Variants in C4orf51 observed in about 807,000 individuals in gnomAD.
C4orf51 encodes the protein uncharacterized protein C4orf51.
C4orf51 carries 25 observed loss-of-function variants against 25.2 expected under a neutral mutation model. The observed-to-expected ratio is 0.99, with a 90% confidence interval of 0.72 to 1.39. C4orf51 has a LOEUF of 1.39. Ranked by LOEUF, C4orf51 falls within the 40% of genes most tolerant of loss-of-function variation. The probability of loss-of-function intolerance (pLI) is 0.00; values close to 1 mark genes in which losing one functional copy is unlikely to be tolerated. For synonymous variants in C4orf51, 100 were observed against 84.5 expected, an observed-to-expected ratio of 1.18 and a Z score of -1.01; for missense variants, 252 against 239.6, an observed-to-expected ratio of 1.05 and a Z score of -0.34.
At chr4:145,717,884 G>T (rs2126740686) in intron 2 of C4orf51, among the ~76,000 whole-genome samples, 1 of 152,236 alleles carries the variant, frequency 6.6e-6, no homozygotes, top group East Asian at 1.9e-4. Context: ...CAAAGCAATG[G>T]CTAATACAAA....
rs57155123 is a variant in C4orf51 at position 145,753,002 on chromosome 4, C to T, written n.168-1205C>T. 5.1e-3 allele frequency among the ~76,000 whole-genome samples: 780 copies of T among 152,202 alleles called. 8 individuals are homozygous for T. The highest frequency in any genetic ancestry group is 0.017 in the African/African-American group (720 of 41,502). On this transcript the variant is annotated intron_variant and non_coding_transcript_variant, in intron 1 of 1. Coordinates refer to the C4orf51 transcript ENST00000508981. ...ACACAGATCCTGCGTGCCACGTGGC[C>T]GCTGCTGGGGGCTGGGGAGGGATGG...
At chr4:145,699,283 C>T (rs771209439) in intron 2 of C4orf51, among the ~76,000 whole-genome samples, 4 of 100,718 alleles carry the variant, frequency 4.0e-5, no homozygotes, top group Admixed American at 2.4e-4. Flanking sequence ...AATTTGGTGC[C>T]GTGACTTGGA....
the C4orf51 span, among the ~76,000 whole-genome samples, chr4:145,788,073 T>G: frequency 6.6e-6 from 1 of 152,218 alleles, no homozygotes; most frequent in African/African-American, 2.4e-5. Context: ...ACCCACAGTC[T>G]GCCTGCTCCT....
At chr4:145,729,515 A>C (rs1048139843) in intron 4 of C4orf51, among the ~76,000 whole-genome samples, 9 of 151,824 alleles carry the variant, frequency 5.9e-5, no homozygotes, top group Admixed American at 3.3e-4. Context: ...GTTAGCCAGG[A>C]TGGTCTCGAT....
At chr4:145,700,501 G>A (rs1285075227) in intron 2 of C4orf51, among the ~76,000 whole-genome samples, 1 of 152,042 alleles carries the variant, frequency 6.6e-6, no homozygotes, top group African/African-American at 2.4e-5. Flanking sequence ...CTGCAATGCC[G>A]TTTGACCCCA....
In C4orf51 at chr4:145,724,579, T is replaced by C. The variant is rs373614509; in HGVS notation, c.308-2332T>C. Among the ~76,000 whole-genome samples the C allele has an allele frequency of 7.9e-5, 12 of 152,298 alleles. No homozygotes were observed. In the East Asian group the frequency reaches 1.9e-3, roughly 25 times the overall value. On this transcript the variant is annotated intron_variant, in intron 2 of 5. Coordinates refer to ENST00000438731, the MANE Select transcript of C4orf51 (RefSeq NM_001080531.3). Reference sequence around the variant, plus strand: ...TGAAATCACACAAGATAACTCAGTATAATTCGTCATTAAAAAATCAATCTG... The same window carrying C: ...TGAAATCACACAAGATAACTCAGTACAATTCGTCATTAAAAAATCAATCTG...
intron 1 of C4orf51, among the ~76,000 whole-genome samples, chr4:145,766,117 G>A (rs1486179405): frequency 6.6e-6 from 1 of 152,034 alleles, no homozygotes; most frequent in Admixed American, 6.6e-5. Context: ...CCCATTTTAC[G>A]ATGAGGGAAT....
downstream of C4orf51, among the ~76,000 whole-genome samples, chr4:145,756,600 G>A (rs1056894071): frequency 6.6e-5 from 10 of 152,134 alleles, no homozygotes; most frequent in Admixed American, 2.6e-4. Flanking sequence ...TAAGGTAGCT[G>A]TGGAGTTTAA....
At chr4:145,725,946 A>C (rs1019789696) in intron 2 of C4orf51, among the ~76,000 whole-genome samples, 2 of 152,244 alleles carry the variant, frequency 1.3e-5, no homozygotes, top group African/African-American at 4.8e-5. Flanking sequence ...ATATCAATAA[A>C]ATTGTTTAAA....
At chr4:145,748,850 G>A (rs530153499) in intron 1 of C4orf51, among the ~76,000 whole-genome samples, 1 of 152,038 alleles carries the variant, frequency 6.6e-6, no homozygotes, top group African/African-American at 2.4e-5. Flanking sequence ...TATAGCCATT[G>A]GATATAATGT....
intron 1 of C4orf51, among the ~76,000 whole-genome samples, chr4:145,694,727 G>A (rs1401966955): frequency 2.0e-5 from 3 of 151,166 alleles, no homozygotes; most frequent in African/African-American, 7.3e-5. Flanking sequence ...CTACTGGGAA[G>A]TGAGGAGCCC....
In C4orf51 at chr4:145,709,242, C is replaced by T. The variant is rs192404751; in HGVS notation, c.307+12610C>T. On this transcript the variant is annotated intron_variant, in intron 2 of 5. Transcript: ENST00000438731. ...CTCAAAAAAAAGCAAGTATGTGAGGCTTTTAAAGGGCCACAGAGTGAGGCC... is the reference window on the plus strand; with the variant it reads ...CTCAAAAAAAAGCAAGTATGTGAGGTTTTTAAAGGGCCACAGAGTGAGGCC... Among the ~76,000 whole-genome samples the T allele has an allele frequency of 2.6e-5, 4 of 152,270 alleles. No homozygotes were observed. In the East Asian group the frequency reaches 7.7e-4, roughly 29 times the overall value.
At chr4:145,778,598 C>T in the C4orf51 span, among the ~76,000 whole-genome samples, 12 of 151,990 alleles carry the variant, frequency 7.9e-5, no homozygotes, top group African/African-American at 1.7e-4. Context: ...GGTGACAGAG[C>T]GAGACCCTAT....
chr4:145,707,798 A>G, intron 2 of C4orf51, among the ~76,000 whole-genome samples: 1 of 152,198 alleles, frequency 6.6e-6, no homozygotes, highest in East Asian at 1.9e-4. Context: ...AGCACAGAGT[A>G]GGCAGCTCCT....
intron 1 of C4orf51, among the ~76,000 whole-genome samples, chr4:145,741,433 C>A (rs1227503937): frequency 1.3e-5 from 2 of 152,030 alleles, no homozygotes; most frequent in Non-Finnish European, 2.9e-5. Flanking sequence ...GGATATTTGG[C>A]TAACAGAAAC....
chr4:145,783,132 C>T, the C4orf51 span, among the ~76,000 whole-genome samples: 1 of 152,206 alleles, frequency 6.6e-6, no homozygotes, highest in Non-Finnish European at 1.5e-5. Flanking sequence ...AAGCAGTACT[C>T]AGTCAACACG....
At chr4:145,724,880 C>CA (rs1222983724) in intron 2 of C4orf51, among the ~76,000 whole-genome samples, 2,460 of 67,806 alleles carry the variant, frequency 0.036, 82 homozygotes, top group Admixed American at 0.055. Flanking sequence ...AAGACTGTCT[C>CA]AAAAAAAAAA....
In C4orf51 at chr4:145,694,153, C is replaced by T. The variant is rs1259544669; in HGVS notation, c.234-2406C>T. Among the ~76,000 whole-genome samples the T allele has an allele frequency of 5.7e-5, 7 of 121,754 alleles. 1 individual carries two copies. The highest frequency in any genetic ancestry group is 3.4e-5 in the African/African-American group (1 of 29,108). 79.9% of individuals were successfully genotyped at this position (121,754 alleles called of 152,430 possible). On this transcript the variant is annotated intron_variant, in intron 1 of 5. Transcript: ENST00000438731. The stretch of plus-strand genomic sequence containing the variant: ...CCCACATCTCAGACGATCTCCTCCT[C>T]ACATCCCAGACGATGTGCGGCCGGG...
chr4:145,768,250 C>T (rs1269302921), intron 1 of C4orf51, among the ~76,000 whole-genome samples: 1 of 152,140 alleles, frequency 6.6e-6, no homozygotes, highest in Non-Finnish European at 1.5e-5. Flanking sequence ...CTGCAACCTC[C>T]ACCTCCCGGG....
Sources: allele counts gnomAD v4.1 joint callset (sites outside exome capture counted in the v4.1 genomes callset), GRCh38; gene constraint gnomAD v4.1.1; transcripts MANE v1.5; gene names NCBI Gene and HGNC (gene_info 2026-07-23, HGNC 2026-07-21).